The following SEC14L1 variants were observed in gnomAD, a reference collection of about 807,000 sequenced individuals.
SEC14L1 encodes SEC14 like lipid binding 1.
SEC14L1 carries 48 observed loss-of-function variants against 85.3 expected under a neutral mutation model. That is an observed-to-expected ratio of 0.56 (90% confidence interval 0.45 to 0.72). The LOEUF is 0.72. Among genes scored for constraint, SEC14L1 ranks in the 30% least tolerant of loss-of-function variants. The pLI, the probability that SEC14L1 is intolerant of heterozygous loss-of-function variation, is 0.00. For synonymous variants in SEC14L1, 391 were observed against 355.5 expected, an observed-to-expected ratio of 1.10 and a Z score of -1.12; for missense variants, 682 against 921.4, an observed-to-expected ratio of 0.74 and a Z score of 3.36.
chr17:77,111,269 A>G (rs1972039454), intron 3 of SEC14L1, among the ~76,000 whole-genome samples: 1 of 151,648 alleles, frequency 6.6e-6, no homozygotes, highest in South Asian at 2.1e-4. Flanking sequence ...ATTCCGGGCT[A>G]TACGTGAATT....
rs114992032 is a variant in SEC14L1, at chr17:77,176,411, T to C, written c.64-14392T>C. On this transcript the variant is annotated intron_variant, in intron 3 of 16. Coordinates refer to ENST00000436233, the MANE Select transcript of SEC14L1 (RefSeq NM_001143998.2). ...GGGTTCTCAGTCCCGTGTGAGGATT[T>C]ACCCAGGACTCTCTCCAGATTGAAG... Among the ~76,000 whole-genome samples, 871 of 152,378 alleles carry C rather than the reference T, an allele frequency of 5.7e-3. 5 individuals are homozygous for C. The highest frequency in any genetic ancestry group is 0.019 in the African/African-American group (807 of 41,584).
At chr17:77,166,707 C>T (rs554401668) in intron 3 of SEC14L1, among the ~76,000 whole-genome samples, 10 of 152,128 alleles carry the variant, frequency 6.6e-5, no homozygotes, top group South Asian at 6.2e-4. Context: ...GGCTGGGTGG[C>T]GCACACCTGT....
intron 9 of SEC14L1, among the ~76,000 whole-genome samples, chr17:77,201,818 G>A (rs1376733065): frequency 1.3e-5 from 2 of 152,172 alleles, no homozygotes; most frequent in Non-Finnish European, 2.9e-5. Context: ...AGATTTTGGA[G>A]CACATAAAAA....
In SEC14L1 at chr17:77,172,094, C is replaced by G. The variant is rs994489272; in HGVS notation, c.64-18709C>G. Among the ~76,000 whole-genome samples the G allele has an allele frequency of 2.0e-5, 3 of 152,102 alleles. No homozygotes were observed. In the East Asian group the frequency reaches 5.8e-4, roughly 29 times the overall value. On this transcript the variant is annotated intron_variant, in intron 3 of 16. Coordinates refer to ENST00000436233, the MANE Select transcript of SEC14L1 (RefSeq NM_001143998.2). Reference sequence around the variant, plus strand: ...GCTTTAAACCCCTCTTCTTTTACTCCCGAAATAAAAAGTTTTTCCTGTGAA... The same window carrying G: ...GCTTTAAACCCCTCTTCTTTTACTCGCGAAATAAAAAGTTTTTCCTGTGAA...
At chr17:77,187,091 T>C (rs865947125) in intron 3 of SEC14L1, among the ~76,000 whole-genome samples, 31 of 152,268 alleles carry the variant, frequency 2.0e-4, no homozygotes, top group South Asian at 1.7e-3. Context: ...CATTGGAGCA[T>C]TTTGGATTTC....
chr17:77,098,882 T>A (rs936727646), intron 3 of SEC14L1: 3 of 152,254 alleles, frequency 2.0e-5, no homozygotes, highest in Non-Finnish European at 4.4e-5. Context: ...TATGTGTGTT[T>A]CATTTATATC....
At chr17:77,193,312 T>C (rs1975634054) in intron 5 of SEC14L1, 109 bp from the exon 6 acceptor site, 2 of 1,048,992 alleles carry the variant, frequency 1.9e-6, no homozygotes, top group Non-Finnish European at 2.7e-6. Flanking sequence ...GGTAGTAGCA[T>C]TGTTAGTAAC....
At chr17:77,203,431 G>T in intron 9 of SEC14L1, 139 bp from the exon 10 acceptor site, 1 of 685,858 alleles carries the variant, frequency 1.5e-6, no homozygotes, top group Non-Finnish European at 2.5e-6. Context: ...CAAATCAGTT[G>T]CCACTTCTAA....
chr17:77,129,656 C>T (rs910888390), intron 3 of SEC14L1, among the ~76,000 whole-genome samples: 3 of 152,120 alleles, frequency 2.0e-5, no homozygotes, highest in East Asian at 1.9e-4. Flanking sequence ...CCCTGTGTGT[C>T]TTCAGTTCTG....
intron 3 of SEC14L1, among the ~76,000 whole-genome samples, chr17:77,103,593 C>CAG: frequency 7.8e-6 from 1 of 127,890 alleles, no homozygotes; most frequent in Non-Finnish European, 1.7e-5. Flanking sequence ...AGGCATGCGC[C>CAG]CCCATGCCCA....
At chr17:77,098,128 C>A (rs577934789) in intron 3 of SEC14L1, among the ~76,000 whole-genome samples, 1 of 152,256 alleles carries the variant, frequency 6.6e-6, no homozygotes, top group South Asian at 2.1e-4. Flanking sequence ...TGAATAGTGT[C>A]CGTAGCTTAC....
Position 77,204,522 on chromosome 17 carries a change from C to CCTTTTTTTTTTTTTTTTT in SEC14L1, c.1099-754_1099-753insCTTTTTTTTTTTTTTTTT, listed in dbSNP as rs1555628453. On this transcript the variant is annotated intron_variant, in intron 10 of 16. Coordinates refer to ENST00000436233, the MANE Select transcript of SEC14L1 (RefSeq NM_001143998.2). The stretch of plus-strand genomic sequence containing the variant: ...GGCTTGAGCCACCCTGCCCAGCCAG[C>CCTTTTTTTTTTTTTTTTT]TTTTTTTTTTTTTTTTTTTTTTTTT... 3.5e-5 allele frequency among the ~76,000 whole-genome samples: 3 copies of CCTTTTTTTTTTTTTTTTT among 84,728 alleles called. 1 individual carries two copies. The highest frequency in any genetic ancestry group is 7.9e-5 in the African/African-American group (2 of 25,198). The allele number at this position is 84,728 out of a possible 152,430, so 55.6% of individuals were successfully genotyped here.
chr17:77,109,201 T>C (rs1971993972), intron 3 of SEC14L1, among the ~76,000 whole-genome samples: 1 of 152,160 alleles, frequency 6.6e-6, no homozygotes, highest in Admixed American at 6.5e-5. Context: ...AAAGTTAAAT[T>C]CTTTGTAAGG....
At chr17:77,210,174 T>A (rs555164362) in intron 14 of SEC14L1, 1 of 152,408 alleles carries the variant, frequency 6.6e-6, no homozygotes, top group South Asian at 2.1e-4. Context: ...TGGGTTTTGG[T>A]TATTTATAGA....
intron 3 of SEC14L1, among the ~76,000 whole-genome samples, chr17:77,103,549 CT>C (rs1971830359): frequency 6.7e-6 from 1 of 150,300 alleles, no homozygotes; most frequent in Non-Finnish European, 1.5e-5. Context: ...TCAAGCGATT[CT>C]CCTGCCTCAG....
intron 3 of SEC14L1, chr17:77,185,455 T>C (rs899079531): frequency 4.3e-6 from 4 of 923,438 alleles, no homozygotes; most frequent in Non-Finnish European, 5.2e-6. Flanking sequence ...ACGTTTTTAG[T>C]GTGGTTGAAA....
chr17:77,155,287 G>A (rs1036365588), intron 3 of SEC14L1, among the ~76,000 whole-genome samples: 2 of 151,986 alleles, frequency 1.3e-5, no homozygotes, highest in Non-Finnish European at 2.9e-5. Context: ...TCTTGCCTGC[G>A]CAAAAAACAC....
intron 3 of SEC14L1, among the ~76,000 whole-genome samples, chr17:77,126,257 C>G (rs1438485266): frequency 2.0e-5 from 3 of 152,242 alleles, no homozygotes; most frequent in Admixed American, 6.5e-5. Flanking sequence ...CTCTCTGTAT[C>G]TTGGTGTCCC....
intron 3 of SEC14L1, among the ~76,000 whole-genome samples, chr17:77,128,417 T>G: frequency 7.2e-5 from 4 of 55,596 alleles, no homozygotes; most frequent in Non-Finnish European, 1.3e-4. Context: ...TTTATTTTAT[T>G]TTATTTTATT....
Sources: gnomAD v4.1 joint callset for allele counts (sites outside exome capture counted in the v4.1 genomes callset) on GRCh38, gnomAD v4.1.1 for gene constraint, MANE v1.5 for transcripts, NCBI Gene and HGNC (gene_info 2026-07-23, HGNC 2026-07-21) for gene names.